ZNF654: variants seen among roughly 807,000 people sequenced by gnomAD.
The protein encoded by ZNF654 is zinc finger protein 654.
Under a neutral mutation model 95.3 loss-of-function variants are expected in ZNF654, and 19 were observed. The observed-to-expected ratio is 0.20, with a 90% CI of 0.14 to 0.29. ZNF654 has a LOEUF of 0.29. Among genes scored for constraint, ZNF654 ranks in the 10% least tolerant of loss-of-function variants. The pLI is 1.00. For synonymous variants in ZNF654, 413 were observed against 457.9 expected, an observed-to-expected ratio of 0.90 and a Z score of 1.25; for missense variants, 1,046 against 1,341.0, an observed-to-expected ratio of 0.78 and a Z score of 3.44.
At chr3:88,134,023 A>G (rs1395142127) in intron 6 of ZNF654, among the ~76,000 whole-genome samples, 1 of 152,016 alleles carries the variant, frequency 6.6e-6, no homozygotes, top group East Asian at 1.9e-4. Context: ...ACACCCAGGC[A>G]TGAAAACTGG....
chr3:88,074,542 A>G (rs1707694104), intron 1 of ZNF654, among the ~76,000 whole-genome samples: 1 of 151,802 alleles, frequency 6.6e-6, no homozygotes. Flanking sequence ...GGATTTCACC[A>G]TGTTGGCCAG....
chr3:88,063,215 G>T (rs1418380779), intron 1 of ZNF654, among the ~76,000 whole-genome samples: 2 of 152,152 alleles, frequency 1.3e-5, no homozygotes, highest in African/African-American at 2.4e-5. Context: ...TAACAACAAA[G>T]AATTATCTGG....
At position 88,143,090 on chromosome 3, in the gene ZNF654, T is replaced by C. The variant is rs1464666679; in HGVS notation, c.*1438T>C. ...TCCAGTTATTCTAAATAATAAAATC[T>C]TTGTTCAAGGCAGATAATCTCATCA... is the stretch of plus-strand genomic sequence containing the variant. On this transcript the variant is annotated 3_prime_UTR_variant, in exon 9 of 9. Transcript: ENST00000636215. The C allele has an allele frequency of 6.6e-6, 1 of 152,300 alleles. No homozygotes were observed. Among genetic ancestry groups the C allele is most frequent in the African/African-American group, 2.4e-5 (1 of 41,420 alleles). 9.4% of individuals were successfully genotyped at this position (152,300 alleles called of 1,614,324 possible). A position where few individuals can be genotyped will look rare whatever the true frequency, so the allele number is the denominator to read the frequency against.
rs1408591373 is a variant in ZNF654 at position 88,144,349 on chromosome 3, T to C, written c.*2697T>C. 1 of 152,376 alleles carries C rather than the reference T, an allele frequency of 6.6e-6. No homozygotes were observed. Among genetic ancestry groups the C allele is most frequent in the Non-Finnish European group, 1.5e-5 (1 of 67,836 alleles). The allele number at this position is 152,376 out of a possible 1,614,324, so 9.4% of individuals were successfully genotyped here. On this transcript the variant is annotated 3_prime_UTR_variant, in exon 9 of 9. Coordinates refer to ENST00000636215, the MANE Select transcript of ZNF654 (RefSeq NM_001350134.2). ...TTTCATGTTTGGTTTAATACTGTTG[T>C]ATGGATGAAAAACCTAAAAGGGATG...
chr3:88,137,625 AT>A (rs1192913127), intron 7 of ZNF654, among the ~76,000 whole-genome samples: 1 of 152,180 alleles, frequency 6.6e-6, no homozygotes, highest in Non-Finnish European at 1.5e-5. Context: ...AGAATGGGGA[AT>A]TTTAACTGTA....
chr3:88,103,419 A>G (rs972596618), intron 2 of ZNF654, among the ~76,000 whole-genome samples: 8 of 152,224 alleles, frequency 5.3e-5, no homozygotes, highest in Admixed American at 5.2e-4. Flanking sequence ...CCTTGAATGT[A>G]GATTCATAGA....
chr3:88,081,142 T>C (rs539616349), intron 1 of ZNF654, among the ~76,000 whole-genome samples: 84 of 152,292 alleles, frequency 5.5e-4, no homozygotes, highest in Non-Finnish European at 1.0e-3. Flanking sequence ...TGTTTTCTCG[T>C]GATGGGAATC....
At chr3:88,129,975 GA>G (rs916734347) in intron 6 of ZNF654, 149 bp downstream of exon 6, 1 of 610,892 alleles carries the variant, frequency 1.6e-6, no homozygotes, top group African/African-American at 1.9e-5. Context: ...TAGATTCTAA[GA>G]ACTAGAGACT....
intron 2 of ZNF654, among the ~76,000 whole-genome samples, chr3:88,112,316 C>T (rs887332682): frequency 7.3e-5 from 11 of 151,580 alleles, no homozygotes; most frequent in African/African-American, 2.7e-4. Context: ...GGTAGTTACA[C>T]TTGAGGATCT....
At chr3:88,084,901 C>T (rs1200333241) in intron 1 of ZNF654, among the ~76,000 whole-genome samples, 1 of 152,130 alleles carries the variant, frequency 6.6e-6, no homozygotes, top group African/African-American at 2.4e-5. Flanking sequence ...GTTTAAGGAA[C>T]GCTAATCTTT....
At chr3:88,082,486 T>C (rs1346601881) in intron 1 of ZNF654, among the ~76,000 whole-genome samples, 2 of 152,170 alleles carry the variant, frequency 1.3e-5, no homozygotes, top group African/African-American at 2.4e-5. Context: ...TTAATATTAG[T>C]GAACAGCTTG....
intron 6 of ZNF654, among the ~76,000 whole-genome samples, chr3:88,134,433 C>T (rs1345096253): frequency 1.3e-5 from 2 of 151,998 alleles, no homozygotes; most frequent in Non-Finnish European, 2.9e-5. Flanking sequence ...TATATCAGCT[C>T]TATCATATGA....
rs1333116142 is a variant in ZNF654 at position 88,113,754 on chromosome 3, C to G, written c.414+558C>G. 1.3e-5 allele frequency among the ~76,000 whole-genome samples: 2 copies of G among 152,030 alleles called. 1 individual carries two copies. Among genetic ancestry groups the G allele is most frequent in the Non-Finnish European group, 2.9e-5 (2 of 68,018 alleles). ...ACTCGGTGAAGTAAAGGAAGATGTA[C>G]TTTGAGCTCCCCCTAGGGGTGAAGT... On this transcript the variant is annotated intron_variant, in intron 3 of 8. Transcript: ENST00000636215.
At chr3:88,073,994 T>C (rs1024531244) in intron 1 of ZNF654, among the ~76,000 whole-genome samples, 2 of 152,216 alleles carry the variant, frequency 1.3e-5, no homozygotes, top group African/African-American at 4.8e-5. Context: ...GATAGTGTTT[T>C]AGTTTAAAAT....
At chr3:88,060,410 A>T (rs1450283148) in intron 1 of ZNF654, among the ~76,000 whole-genome samples, 3 of 152,130 alleles carry the variant, frequency 2.0e-5, no homozygotes, top group Non-Finnish European at 1.5e-5. Context: ...CTGCATTCTC[A>T]TCTACCTGCA....
intron 1 of ZNF654, among the ~76,000 whole-genome samples, chr3:88,070,207 G>A (rs1707427268): frequency 6.6e-6 from 1 of 151,948 alleles, no homozygotes; most frequent in African/African-American, 2.4e-5. Flanking sequence ...CACTTCTGAG[G>A]AATTATAAAT....
rs758639245 is a variant in ZNF654, at chr3:88,126,238, C to T, written c.519C>T (p.Val173=). ...GPWEDPVLQA[V]LKAQPASQEI... is the part of the protein sequence containing the mutation. ...GGGAAGATCCAGTGTTGCAAGCTGT[C>T]CTTAAAGCTCAGCCAGCATCTCAGG... Residue 173 remains valine (V), a synonymous_variant, in exon 4 of 9, where the codon GTC becomes GTT. Coordinates refer to ENST00000636215, the MANE Select transcript of ZNF654 (RefSeq NM_001350134.2). 1 of 1,524,776 alleles carries T rather than the reference C, an allele frequency of 6.6e-7. No homozygotes were observed. 94.5% of individuals were successfully genotyped at this position (1,524,776 alleles called of 1,614,324 possible).
chr3:88,072,675 T>C (rs2107618827), intron 1 of ZNF654, among the ~76,000 whole-genome samples: 1 of 152,278 alleles, frequency 6.6e-6, no homozygotes, highest in Non-Finnish European at 1.5e-5. Context: ...TTTTCCCCCT[T>C]ACCTGTGTTT....
At position 88,098,941 on chromosome 3, in the gene ZNF654, C is replaced by G. The variant is rs185725511; in HGVS notation, c.332+12539C>G. ...AAGCTGGCACAAGCAGGGATGCCCT[C>G]TGTCACTACTTCTATTCATCATAAT... On this transcript the variant is annotated intron_variant, in intron 2 of 8. Transcript: ENST00000636215. Among the ~76,000 whole-genome samples the G allele has an allele frequency of 5.4e-3, 815 of 152,296 alleles. 5 individuals carry two copies. The highest frequency in any genetic ancestry group is 0.017 in the African/African-American group (700 of 41,556).
Sources: allele counts gnomAD v4.1 joint callset (sites outside exome capture counted in the v4.1 genomes callset), GRCh38; gene constraint gnomAD v4.1.1; transcripts MANE v1.5; gene names NCBI Gene and HGNC (gene_info 2026-07-23, HGNC 2026-07-21).